The following LGALS8 variants were observed in gnomAD, a reference collection of about 807,000 sequenced individuals.
LGALS8 encodes galectin 8.
A neutral mutation model predicts 35.9 loss-of-function variants in LGALS8; 30 were observed. The ratio of observed to expected loss-of-function variants is 0.83; its 90% confidence interval spans 0.62 to 1.13. The LOEUF is 1.13. Ranked by LOEUF, LGALS8 falls within the 50% of genes most tolerant of loss-of-function variation. The pLI is 0.00. For synonymous variants in LGALS8, 138 were observed against 136.1 expected, an observed-to-expected ratio of 1.01 and a Z score of -0.10; for missense variants, 366 against 388.7, an observed-to-expected ratio of 0.94 and a Z score of 0.49.
At chr1:236,539,530 G>C (rs16833833) in intron 4 of LGALS8, among the ~76,000 whole-genome samples, 92,835 of 151,894 alleles carry the variant, frequency 0.61, 29,268 homozygotes, top group Non-Finnish European at 0.69. Flanking sequence ...ACCCAGAGGA[G>C]ATCCTAGAAA....
intron 2 of LGALS8, among the ~76,000 whole-genome samples, chr1:236,533,139 TAAC>T (rs1661243622): frequency 2.0e-5 from 3 of 152,194 alleles, no homozygotes. Flanking sequence ...TACCTTTCTT[TAAC>T]TACTCCCTGA....
rs1662650335 is a variant in LGALS8 at position 236,550,057 on chromosome 1, A to G, written c.*1896A>G. The G allele has an allele frequency of 6.6e-6, 1 of 152,152 alleles. No individual in the cohort carries two copies. Among genetic ancestry groups the G allele is most frequent in the African/African-American group, 2.4e-5 (1 of 41,422 alleles). 9.4% of individuals were successfully genotyped at this position (152,152 alleles called of 1,614,324 possible). On this transcript the variant is annotated 3_prime_UTR_variant, in exon 10 of 10. Coordinates refer to ENST00000366584, the MANE Select transcript of LGALS8 (RefSeq NM_201544.4). ...AGGGGGCAGATCTAATTTTATTTGA[A>G]CCCTCACTTTCCAACTTCACCATGA...
chr1:236,541,597 ATT>A (rs770499714), intron 5 of LGALS8, 55 bp from the exon 6 acceptor site: 606,032 of 915,376 alleles, frequency 0.66, 204,374 homozygotes, highest in Non-Finnish European at 0.7. Flanking sequence ...AATATAAAAT[ATT>A]TAGAAAATAT....
In LGALS8 at chr1:236,549,718, G is replaced by C. The variant is rs1662629265; in HGVS notation, c.*1557G>C. 6.6e-6 allele frequency: 1 copy of C among 152,136 alleles called. No individual in the cohort carries two copies. The highest frequency in any genetic ancestry group is 2.1e-4 in the South Asian group (1 of 4,828). 9.4% of individuals were successfully genotyped at this position (152,136 alleles called of 1,614,324 possible). ...TTATTTTTCTCCATAAAGACCATCAGAGTGCTTAACTGAGCTGTTGGAGAC... is the reference window on the plus strand; with the variant it reads ...TTATTTTTCTCCATAAAGACCATCACAGTGCTTAACTGAGCTGTTGGAGAC... On this transcript the variant is annotated 3_prime_UTR_variant, in exon 10 of 10. Coordinates refer to ENST00000366584, the MANE Select transcript of LGALS8 (RefSeq NM_201544.4).
intron 2 of LGALS8, among the ~76,000 whole-genome samples, chr1:236,532,161 AGTTCAG>A (rs1287210298): frequency 6.6e-6 from 1 of 152,194 alleles, no homozygotes; most frequent in African/African-American, 2.4e-5. Context: ...TTGCATGAAC[AGTTCAG>A]GTACAGGAAA....
intron 2 of LGALS8, chr1:236,536,553 G>C (rs1438455819): frequency 6.6e-6 from 1 of 152,336 alleles, no homozygotes; most frequent in East Asian, 1.9e-4. Context: ...CTGGTCCACG[G>C]CAGGTGGATG....
chr1:236,521,366 G>C (rs564603966), upstream of LGALS8, among the ~76,000 whole-genome samples: 8 of 152,246 alleles, frequency 5.3e-5, no homozygotes, highest in East Asian at 1.5e-3. Flanking sequence ...AAAGATTTTA[G>C]GATGGGAGTG....
At position 236,551,900 on chromosome 1, in the gene LGALS8, C is replaced by A; in HGVS notation, c.*3739C>A. 1 of 796,176 alleles carries A rather than the reference C, an allele frequency of 1.3e-6. No individual in the cohort carries two copies. The highest frequency in any genetic ancestry group is 2.5e-5 in the East Asian group (1 of 40,192). The allele number at this position is 796,176 out of a possible 1,614,324, so 49.3% of individuals were successfully genotyped here. A position where few individuals can be genotyped will look rare whatever the true frequency, so the allele number is the denominator to read the frequency against. ...TGAGGACTGGATCAACTGCTAGTCA[C>A]GTTATATCCAAATCTGCATTATCAT... is the stretch of plus-strand genomic sequence containing the variant. On this transcript the variant is annotated 3_prime_UTR_variant, in exon 10 of 10. Coordinates refer to ENST00000366584, the MANE Select transcript of LGALS8 (RefSeq NM_201544.4).
chr1:236,523,930 C>T (rs10925159), upstream of LGALS8: 6,768 of 359,484 alleles, frequency 0.019, 124 homozygotes, highest in East Asian at 0.087. Context: ...GCGCGCGAGC[C>T]GGGAAGTGAA....
intron 3 of LGALS8, among the ~76,000 whole-genome samples, chr1:236,538,310 A>G (rs1661713798): frequency 6.6e-6 from 1 of 152,078 alleles, no homozygotes; most frequent in Non-Finnish European, 1.5e-5. Context: ...TTAAGATGTG[A>G]AAATTAAGTC....
At position 236,551,961 on chromosome 1, in the gene LGALS8, CTTAA is replaced by C. The variant is rs1662766708; in HGVS notation, c.*3803_*3806del. On this transcript the variant is annotated 3_prime_UTR_variant, in exon 10 of 10. Coordinates refer to ENST00000366584, the MANE Select transcript of LGALS8 (RefSeq NM_201544.4). ...TTCACAGAATTTTACTGAATTATTC[CTTAA>C]TTGTTTAATGGTTGGGAATAGTTTG... 3.0e-6 allele frequency: 4 copies of C among 1,330,290 alleles called. No individual in the cohort carries two copies. The highest frequency in any genetic ancestry group is 4.3e-6 in the Non-Finnish European group (4 of 925,782). 82.4% of individuals were successfully genotyped at this position (1,330,290 alleles called of 1,614,324 possible).
intron 2 of LGALS8, among the ~76,000 whole-genome samples, chr1:236,530,734 AGTCT>A (rs1462661738): frequency 6.6e-6 from 1 of 152,242 alleles, no homozygotes; most frequent in Non-Finnish European, 1.5e-5. Flanking sequence ...GTTGGAAGAT[AGTCT>A]GTCTTCAAAA....
At chr1:236,519,948 ATTTTTTTTTTTT>A (rs35589317), upstream of LGALS8, among the ~76,000 whole-genome samples, 5 of 109,442 alleles carry the variant, frequency 4.6e-5, no homozygotes, top group African/African-American at 2.0e-4. Flanking sequence ...GTTTTGTACA[ATTTTTTTTTTTT>A]TTTTTTTTTT....
intron 2 of LGALS8, among the ~76,000 whole-genome samples, chr1:236,528,847 G>C (rs1157157710): frequency 6.6e-6 from 1 of 152,108 alleles, no homozygotes; most frequent in Non-Finnish European, 1.5e-5. Flanking sequence ...GTCCACATTG[G>C]TGTTAGACCA....
intron 5 of LGALS8, 73 bp from the exon 6 acceptor site, chr1:236,541,581 T>A (rs964136517): frequency 6.1e-6 from 4 of 652,104 alleles, no homozygotes; most frequent in Non-Finnish European, 9.9e-6. Flanking sequence ...AATTTTTTTA[T>A]ATGTCAATAT....
At chr1:236,538,400 T>C (rs72632865) in intron 3 of LGALS8, among the ~76,000 whole-genome samples, 92,543 of 151,618 alleles carry the variant, frequency 0.61, 29,108 homozygotes, top group Non-Finnish European at 0.69. Flanking sequence ...CACCACTCTG[T>C]TATCTTGAGG....
intron 2 of LGALS8, among the ~76,000 whole-genome samples, chr1:236,532,571 G>T (rs1661208372): frequency 6.6e-6 from 1 of 152,174 alleles, no homozygotes; most frequent in African/African-American, 2.4e-5. Context: ...GCCAGGCGCG[G>T]TGGCTCACAC....
intron 9 of LGALS8, among the ~76,000 whole-genome samples, chr1:236,547,726 G>A (rs527640419): frequency 4.6e-5 from 7 of 152,300 alleles, no homozygotes; most frequent in South Asian, 2.1e-4. Context: ...GGATGCGGCC[G>A]AGGGAGAGGG....
At chr1:236,535,920 GTTCA>G (rs1661463563) in intron 2 of LGALS8, among the ~76,000 whole-genome samples, 1 of 152,236 alleles carries the variant, frequency 6.6e-6, no homozygotes, top group Non-Finnish European at 1.5e-5. Context: ...ACAGGTGAGA[GTTCA>G]TTCATTCACC....
Sources: gnomAD v4.1 joint callset for allele counts (sites outside exome capture counted in the v4.1 genomes callset) on GRCh38, gnomAD v4.1.1 for gene constraint, MANE v1.5 for transcripts, NCBI Gene and HGNC (gene_info 2026-07-23, HGNC 2026-07-21) for gene names.